Variants in PTPRG observed in about 807,000 individuals in gnomAD.
PTPRG encodes receptor-type tyrosine-protein phosphatase gamma.
PTPRG carries 102 observed loss-of-function variants against 165.3 expected under a neutral mutation model. The ratio of observed to expected loss-of-function variants is 0.62; its 90% confidence interval spans 0.53 to 0.73. PTPRG has a LOEUF of 0.73. Ranked by LOEUF, PTPRG falls within the 30% of genes least tolerant of loss-of-function variation. The probability of loss-of-function intolerance (pLI) is 0.00; values close to 1 mark genes in which losing one functional copy is unlikely to be tolerated. For synonymous variants in PTPRG, 675 were observed against 669.5 expected (o/e 1.01, Z -0.13); for missense variants, 1,866 against 1,861.4 (o/e 1.00, Z -0.05).
chr3:62,227,321 C>T (rs1700785938), intron 13 of PTPRG, among the ~76,000 whole-genome samples: 2 of 152,286 alleles, frequency 1.3e-5, no homozygotes, highest in Admixed American at 1.3e-4. Flanking sequence ...CCCTTTTCAC[C>T]CCAGCAAAGT....
At chr3:61,678,896 A>G (rs1232138694) in intron 1 of PTPRG, among the ~76,000 whole-genome samples, 5 of 152,144 alleles carry the variant, frequency 3.3e-5, no homozygotes, top group South Asian at 4.2e-4. Flanking sequence ...AGGCCTCCCA[A>G]TGCTCACCCC....
chr3:61,691,614 C>G (rs1224905706), intron 1 of PTPRG, among the ~76,000 whole-genome samples: 1 of 152,088 alleles, frequency 6.6e-6, no homozygotes, highest in Non-Finnish European at 1.5e-5. Context: ...AGAGGGTGAC[C>G]ATTGCGTTTT....
At chr3:62,121,141 G>T (rs1312015941) in intron 5 of PTPRG, among the ~76,000 whole-genome samples, 2 of 144,126 alleles carry the variant, frequency 1.4e-5, no homozygotes, top group Non-Finnish European at 3.0e-5. Flanking sequence ...TTTTAGTAAA[G>T]ACGGGGTTTC....
chr3:61,663,227 G>C (rs946253849), intron 1 of PTPRG, among the ~76,000 whole-genome samples: 6 of 152,224 alleles, frequency 3.9e-5, no homozygotes, highest in Admixed American at 3.3e-4. Context: ...GTTTGGGAAT[G>C]GAATCTGACT....
At chr3:61,947,927 A>G (rs1179322035) in intron 2 of PTPRG, among the ~76,000 whole-genome samples, 1 of 152,092 alleles carries the variant, frequency 6.6e-6, no homozygotes, top group African/African-American at 2.4e-5. Context: ...TGAATATGGA[A>G]TGAGGGGAAT....
chr3:61,588,531 C>T (rs1031312914), intron 1 of PTPRG, among the ~76,000 whole-genome samples: 6 of 151,966 alleles, frequency 3.9e-5, no homozygotes, highest in Non-Finnish European at 8.8e-5. Flanking sequence ...CTGCAACCTC[C>T]ACCTCCTGAG....
intron 4 of PTPRG, among the ~76,000 whole-genome samples, chr3:62,064,039 C>A (rs1444685540): frequency 6.6e-6 from 1 of 152,128 alleles, no homozygotes; most frequent in African/African-American, 2.4e-5. Flanking sequence ...CTAAATGGAT[C>A]TATTAGATTC....
Position 61,983,186 on chromosome 3 carries a change from A to G in PTPRG, c.191-6439A>G, listed in dbSNP as rs543963551. On this transcript the variant is annotated intron_variant, in intron 2 of 29. Coordinates refer to ENST00000474889, the MANE Select transcript of PTPRG (RefSeq NM_002841.4). Reference sequence around the variant, plus strand: ...TCCATTTTTCGTGTACACACAAACAATAAATGCACAAGAAGTAATTAAGCT... The same window carrying G: ...TCCATTTTTCGTGTACACACAAACAGTAAATGCACAAGAAGTAATTAAGCT... 4.5e-4 allele frequency among the ~76,000 whole-genome samples: 69 copies of G among 152,332 alleles called. No individual in the cohort carries two copies. In the Middle Eastern group the frequency reaches 0.014, roughly 30 times the overall value.
intron 2 of PTPRG, among the ~76,000 whole-genome samples, chr3:61,880,947 CT>C (rs199965020): frequency 0.27 from 37,026 of 139,184 alleles, 5,363 homozygotes; most frequent in East Asian, 0.54. Flanking sequence ...GCTATGCTGT[CT>C]TTTTTTTTTT....
At chr3:62,174,860 C>T (rs1046946557) in intron 8 of PTPRG, among the ~76,000 whole-genome samples, 4 of 152,156 alleles carry the variant, frequency 2.6e-5, no homozygotes, top group Non-Finnish European at 4.4e-5. Flanking sequence ...TTGTTACTGC[C>T]AGAAACTTTT....
At chr3:62,261,759 T>C (rs1297742462) in intron 16 of PTPRG, 1 of 130,100 alleles carries the variant, frequency 7.7e-6, no homozygotes, top group Non-Finnish European at 1.6e-5. Context: ...ACTTCCTCCT[T>C]CTAGAGAAGA....
chr3:61,723,030 C>T (rs1163601724), intron 1 of PTPRG, among the ~76,000 whole-genome samples: 5 of 150,960 alleles, frequency 3.3e-5, no homozygotes, highest in South Asian at 4.2e-4. Context: ...GTGACCCAAC[C>T]CTAGGTTAGA....
chr3:62,188,244 A>G lies in PTPRG; in HGVS notation c.1034-3225A>G, dbSNP rs138483136. On this transcript the variant is annotated intron_variant, in intron 8 of 29. Transcript: ENST00000474889. ...TTTAAAATTAGCTAAGTGTGGTGGT[A>G]TGCACCTGTAGTCCTAGCTACTTAG... Among the ~76,000 whole-genome samples, 50 of 152,224 alleles carry G rather than the reference A, an allele frequency of 3.3e-4. No homozygotes were observed. In the East Asian group the frequency reaches 9.3e-3, roughly 28 times the overall value.
intron 1 of PTPRG, among the ~76,000 whole-genome samples, chr3:61,686,226 C>T (rs536120070): frequency 6.6e-6 from 1 of 152,302 alleles, no homozygotes; most frequent in South Asian, 2.1e-4. Context: ...GAGATGGGAC[C>T]TCAGCTCTTT....
intron 4 of PTPRG, among the ~76,000 whole-genome samples, chr3:62,052,655 A>ACCAGG (rs1263031852): frequency 6.6e-6 from 1 of 152,106 alleles, no homozygotes; most frequent in Non-Finnish European, 1.5e-5. Context: ...TGATTGTACC[A>ACCAGG]CTGCACTCCA....
At chr3:61,905,894 A>G (rs534829335) in intron 2 of PTPRG, among the ~76,000 whole-genome samples, 1 of 152,188 alleles carries the variant, frequency 6.6e-6, no homozygotes, top group African/African-American at 2.4e-5. Context: ...TTTCATCACT[A>G]ATTTTACATG....
intron 26 of PTPRG, among the ~76,000 whole-genome samples, chr3:62,279,422 A>G (rs1702350964): frequency 6.6e-6 from 1 of 152,072 alleles, no homozygotes; most frequent in Non-Finnish European, 1.5e-5. Context: ...TAGTTAATTT[A>G]CTATTCATGT....
chr3:61,786,221 G>A (rs1428755079), intron 2 of PTPRG, among the ~76,000 whole-genome samples: 1 of 152,186 alleles, frequency 6.6e-6, no homozygotes, highest in African/African-American at 2.4e-5. Context: ...GAAATTAAAA[G>A]AGGGCAATTT....
intron 2 of PTPRG, among the ~76,000 whole-genome samples, chr3:61,776,397 A>G (rs1269654753): frequency 1.3e-5 from 2 of 152,164 alleles, no homozygotes; most frequent in African/African-American, 2.4e-5. Context: ...ATTAAAATCA[A>G]CACAGGCGCT....
Sources: allele counts gnomAD v4.1 joint callset (sites outside exome capture counted in the v4.1 genomes callset), GRCh38; gene constraint gnomAD v4.1.1; transcripts MANE v1.5; gene names NCBI Gene and HGNC (gene_info 2026-07-23, HGNC 2026-07-21).